The following MYT1L variants were observed in gnomAD, a reference collection of about 807,000 sequenced individuals.
MYT1L encodes the protein myelin transcription factor 1 like, also known as myelin transcription factor 1-like protein.
A neutral mutation model predicts 126.7 loss-of-function variants in MYT1L; 12 were observed. The ratio of observed to expected loss-of-function variants is 0.09; its 90% CI spans 0.06 to 0.15. The LOEUF is 0.15. Among genes scored for constraint, MYT1L ranks in the 10% least tolerant of loss-of-function variants. The pLI is 1.00. For synonymous variants in MYT1L, 541 were observed against 604.2 expected (o/e 0.90, Z 1.53); for missense variants, 979 against 1,585.2 (o/e 0.62, Z 6.49).
intron 1 of MYT1L, among the ~76,000 whole-genome samples, chr2:2,297,165 T>G (rs376372025): frequency 6.6e-6 from 1 of 152,206 alleles, no homozygotes; most frequent in Non-Finnish European, 1.5e-5. Flanking sequence ...CGACATAGAA[T>G]GCACACAACC....
intron 2 of MYT1L, 80 bp from the exon 3 acceptor site, chr2:2,173,068 T>A (rs2090287735): frequency 6.6e-6 from 1 of 152,266 alleles, no homozygotes; most frequent in Admixed American, 6.5e-5. Flanking sequence ...TCCCCTGTGC[T>A]GTGACACTCA....
chr2:2,247,585 C>A (rs2094558328), intron 2 of MYT1L, among the ~76,000 whole-genome samples: 1 of 152,134 alleles, frequency 6.6e-6, no homozygotes, highest in South Asian at 2.1e-4. Flanking sequence ...ACATTATTTT[C>A]TTCAGCACAT....
At chr2:2,072,862 C>T (rs903329961) in intron 3 of MYT1L, among the ~76,000 whole-genome samples, 2 of 152,178 alleles carry the variant, frequency 1.3e-5, no homozygotes, top group Non-Finnish European at 2.9e-5. Context: ...CCTGAGGCCT[C>T]CTTAGCCATG....
chr2:2,154,845 G>A lies in MYT1L; in HGVS notation c.-304+18027C>T, dbSNP rs530493667. 5.3e-5 allele frequency among the ~76,000 whole-genome samples: 8 copies of A among 152,178 alleles called. 1 individual carries two copies. In the South Asian group the frequency reaches 6.2e-4, roughly 12 times the overall value. On this transcript the variant is annotated intron_variant, in intron 3 of 24. Transcript: ENST00000647738. Reference sequence around the variant, plus strand: ...AATTAAAAGTTAAGAAAATAAATGCGGCCGGGTGCAGTGGCTCATGCCTAT... The same window carrying A: ...AATTAAAAGTTAAGAAAATAAATGCAGCCGGGTGCAGTGGCTCATGCCTAT...
At chr2:1,944,895 G>A (rs80186996) in intron 8 of MYT1L, among the ~76,000 whole-genome samples, 1,825 of 152,290 alleles carry the variant, frequency 0.012, 26 homozygotes, top group Non-Finnish European at 0.019. Context: ...AGGGCTCTAT[G>A]TCCTGTACAC....
At chr2:2,143,895 A>G (rs2084436770) in intron 3 of MYT1L, among the ~76,000 whole-genome samples, 2 of 145,338 alleles carry the variant, frequency 1.4e-5, no homozygotes, top group African/African-American at 5.0e-5. Flanking sequence ...CTCACTTATA[A>G]GTGGGAATGA....
At position 2,095,938 on chromosome 2, in the gene MYT1L, G is replaced by A. The variant is rs549944983; in HGVS notation, c.-303-41815C>T. Among the ~76,000 whole-genome samples the A allele has an allele frequency of 2.6e-5, 4 of 152,264 alleles. No individual in the cohort carries two copies. The East Asian group carries it at 7.8e-4, about 30-fold the overall frequency. ...TTGCTTTGCGAGTTGGGCCCCAGAT[G>A]CCGCTGAGGAGGAGCCCTGGTGAAC... is the stretch of plus-strand genomic sequence containing the variant. On this transcript the variant is annotated intron_variant, in intron 3 of 24. Transcript: ENST00000647738.
chr2:2,085,540 CA>C (rs2076270003), intron 3 of MYT1L, among the ~76,000 whole-genome samples: 2 of 152,146 alleles, frequency 1.3e-5, no homozygotes, highest in Non-Finnish European at 2.9e-5. Flanking sequence ...GGATACCTCC[CA>C]AAGGCTTGTC....
chr2:2,141,616 C>G lies in MYT1L; in HGVS notation c.-304+31256G>C, dbSNP rs181242640. ...AAACCTCTCGTATCAGGAGAAGAGACAGTCCACTTAAAATGTATTTTGGAA... is the reference window on the plus strand; with the variant it reads ...AAACCTCTCGTATCAGGAGAAGAGAGAGTCCACTTAAAATGTATTTTGGAA... On this transcript the variant is annotated intron_variant, in intron 3 of 24. Transcript: ENST00000647738. Among the ~76,000 whole-genome samples, 6 of 152,280 alleles carry G rather than the reference C, an allele frequency of 3.9e-5. No individual in the cohort carries two copies. In the East Asian group the frequency reaches 9.7e-4, roughly 25 times the overall value.
At chr2:1,903,981 A>C (rs2050705177) in intron 13 of MYT1L, among the ~76,000 whole-genome samples, 2 of 152,182 alleles carry the variant, frequency 1.3e-5, no homozygotes, top group South Asian at 4.1e-4. Flanking sequence ...CCACCTCTTC[A>C]TCGGTCTAGC....
At chr2:2,325,356 A>G (rs141869403) in intron 1 of MYT1L, 32 of 152,338 alleles carry the variant, frequency 2.1e-4, no homozygotes, top group African/African-American at 7.0e-4. Flanking sequence ...AGCTTCTTGC[A>G]TCGTTTTCTT....
At chr2:1,838,024 G>A (rs931505164) in intron 21 of MYT1L, among the ~76,000 whole-genome samples, 1 of 151,796 alleles carries the variant, frequency 6.6e-6, no homozygotes, top group Non-Finnish European at 1.5e-5. Context: ...TGATTATCCT[G>A]CCTCAGCCTC....
At chr2:2,171,394 A>C (rs2090030601) in intron 3 of MYT1L, among the ~76,000 whole-genome samples, 1 of 152,216 alleles carries the variant, frequency 6.6e-6, no homozygotes, top group Non-Finnish European at 1.5e-5. Flanking sequence ...TGAACATCTA[A>C]CTCAATGCCA....
chr2:2,151,966 G>A (rs973671042), intron 3 of MYT1L, among the ~76,000 whole-genome samples: 1 of 152,180 alleles, frequency 6.6e-6, no homozygotes, highest in Admixed American at 6.5e-5. Flanking sequence ...TGAGGCAGGA[G>A]AATCACTTGA....
chr2:1,877,267 G>A (rs111635553), intron 18 of MYT1L, among the ~76,000 whole-genome samples: 1,879 of 152,192 alleles, frequency 0.012, 41 homozygotes, highest in African/African-American at 0.041. Flanking sequence ...CATTTTCCCC[G>A]AAATATGATG....
chr2:2,292,324 T>G (rs1217618503), intron 1 of MYT1L, among the ~76,000 whole-genome samples: 1 of 152,182 alleles, frequency 6.6e-6, no homozygotes, highest in Non-Finnish European at 1.5e-5. Flanking sequence ...GGATAGCAAT[T>G]CTATTCCCAA....
At chr2:2,043,626 A>G (rs370629350) in intron 4 of MYT1L, among the ~76,000 whole-genome samples, 5 of 151,872 alleles carry the variant, frequency 3.3e-5, no homozygotes, top group African/African-American at 7.3e-5. Context: ...TCCTCCCCCA[A>G]TGGGTCCATG....
intron 4 of MYT1L, among the ~76,000 whole-genome samples, chr2:2,008,108 G>A (rs752087462): frequency 2.6e-5 from 4 of 152,202 alleles, no homozygotes; most frequent in Non-Finnish European, 5.9e-5. Context: ...AGATGACTCT[G>A]TCACTCCTGT....
chr2:2,287,149 T>C (rs2095533221), intron 1 of MYT1L, among the ~76,000 whole-genome samples: 1 of 152,036 alleles, frequency 6.6e-6, no homozygotes, highest in East Asian at 1.9e-4. Flanking sequence ...CCAGCTACTC[T>C]GGAGGCTGAG....
Sources: allele counts gnomAD v4.1 joint callset (sites outside exome capture counted in the v4.1 genomes callset), GRCh38; gene constraint gnomAD v4.1.1; transcripts MANE v1.5; gene names NCBI Gene and HGNC (gene_info 2026-07-23, HGNC 2026-07-21).